The following ADGRL3 variants were observed in gnomAD, a reference collection of about 807,000 sequenced individuals.
ADGRL3 encodes adhesion G protein-coupled receptor L3.
In ADGRL3, 62 loss-of-function variants were observed where a neutral mutation model predicts 153.5. The ratio of observed to expected loss-of-function variants is 0.40; its 90% CI spans 0.33 to 0.50. The LOEUF (loss-of-function observed/expected upper bound fraction) is 0.50. Among genes scored for constraint, ADGRL3 ranks in the 20% least tolerant of loss-of-function variants. ADGRL3 has a pLI of 0.47. For synonymous variants in ADGRL3, 710 were observed against 672.5 expected (o/e 1.06, Z -0.86); for missense variants, 1,641 against 1,859.4 (o/e 0.88, Z 2.16).
chr4:61,834,293 G>A lies in ADGRL3; in HGVS notation c.1480+20404G>A, dbSNP rs549472536. 2.2e-3 allele frequency among the ~76,000 whole-genome samples: 333 copies of A among 152,088 alleles called. 2 individuals are homozygous for A. Among genetic ancestry groups the A allele is most frequent in the African/African-American group, 7.2e-3 (298 of 41,490 alleles). On this transcript the variant is annotated intron_variant, in intron 9 of 26. Coordinates refer to ENST00000683033, the MANE Select transcript of ADGRL3 (RefSeq NM_001387552.1). ...ATGTCCCTATAAAGGACATGAACTC[G>A]TCATTTTTTATGGCTGCATAGTATT...
In ADGRL3 at chr4:61,846,972, A is replaced by ATATG. The variant is rs1554045749; in HGVS notation, c.1480+33086_1480+33087insGTAT. 3.2e-3 allele frequency among the ~76,000 whole-genome samples: 473 copies of ATATG among 148,166 alleles called. 5 individuals are homozygous for ATATG. Among genetic ancestry groups the ATATG allele is most frequent in the African/African-American group, 0.011 (412 of 38,916 alleles). ...TATGTGTGTGTGTGTGTGTGTGTGT[A>ATATG]TATATATGTATATATGTATATATAT... On this transcript the variant is annotated intron_variant, in intron 9 of 26. Coordinates refer to ENST00000683033, the MANE Select transcript of ADGRL3 (RefSeq NM_001387552.1).
chr4:61,920,451 A>G (rs961760941), intron 13 of ADGRL3, among the ~76,000 whole-genome samples: 1 of 152,218 alleles, frequency 6.6e-6, no homozygotes, highest in African/African-American at 2.4e-5. Flanking sequence ...ATGATTTTTC[A>G]GGACTGCTCC....
intron 1 of ADGRL3, among the ~76,000 whole-genome samples, chr4:61,349,313 C>A (rs1352523811): frequency 1.3e-5 from 2 of 152,002 alleles, no homozygotes; most frequent in Non-Finnish European, 2.9e-5. Context: ...AAAAAGTGTT[C>A]TCTGAAAAGC....
chr4:61,527,228 T>C (rs2098570573), intron 4 of ADGRL3, among the ~76,000 whole-genome samples: 1 of 152,072 alleles, frequency 6.6e-6, no homozygotes, highest in Non-Finnish European at 1.5e-5. Context: ...AAATATACCA[T>C]TCTGTCCATC....
At chr4:61,474,823 A>G (rs1049659786) in intron 2 of ADGRL3, among the ~76,000 whole-genome samples, 1 of 152,136 alleles carries the variant, frequency 6.6e-6, no homozygotes, top group Non-Finnish European at 1.5e-5. Context: ...GCACTATTAT[A>G]TTTTACCTAT....
chr4:61,688,279 T>G (rs2151083932), intron 6 of ADGRL3, among the ~76,000 whole-genome samples: 1 of 152,244 alleles, frequency 6.6e-6, no homozygotes, highest in South Asian at 2.1e-4. Flanking sequence ...TTACATCTTT[T>G]TTAGGTCTGA....
intron 6 of ADGRL3, among the ~76,000 whole-genome samples, chr4:61,705,698 C>T (rs879051412): frequency 1.3e-5 from 2 of 151,972 alleles, no homozygotes; most frequent in South Asian, 4.2e-4. Context: ...AGGGTTTCGC[C>T]ATGTTGTCCA....
chr4:61,278,240 C>G (rs924374726), intron 1 of ADGRL3, among the ~76,000 whole-genome samples: 19 of 152,080 alleles, frequency 1.2e-4, no homozygotes, highest in African/African-American at 4.6e-4. Context: ...TTCATCTGCC[C>G]TTTCTCTTGC....
rs150776956 is a variant in ADGRL3, at chr4:61,240,323, C to T, written c.-240+38558C>T. Among the ~76,000 whole-genome samples the T allele has an allele frequency of 4.4e-3, 671 of 152,170 alleles. 1 individual carries two copies. Among genetic ancestry groups the T allele is most frequent in the African/African-American group, 0.015 (614 of 41,524 alleles). On this transcript the variant is annotated intron_variant, in intron 1 of 26. Coordinates refer to ENST00000683033, the MANE Select transcript of ADGRL3 (RefSeq NM_001387552.1). ...TAATCACCTATTAAAGTCCCCTTCT[C>T]GTAATACTGTCACATTGGGTCTTAG...
rs1212648887 is a variant in ADGRL3 at position 61,318,578 on chromosome 4, C to G, written c.-239-64546C>G. On this transcript the variant is annotated intron_variant, in intron 1 of 26. Transcript: ENST00000683033. ...CCTTTTTAGAAGAATTAACTGAACA[C>G]GCTGTCTGCTGAAGTCTTATCACTC... 1.3e-5 allele frequency among the ~76,000 whole-genome samples: 2 copies of G among 152,130 alleles called. 1 individual carries two copies. The highest frequency in any genetic ancestry group is 1.3e-4 in the Admixed American group (2 of 15,262).
At chr4:61,958,897 A>T (rs970367966) in intron 17 of ADGRL3, among the ~76,000 whole-genome samples, 1 of 152,106 alleles carries the variant, frequency 6.6e-6, no homozygotes, top group Non-Finnish European at 1.5e-5. Context: ...ACTTTTCTGA[A>T]TTGCTACCAT....
At chr4:61,647,201 C>T (rs570090233) in intron 5 of ADGRL3, among the ~76,000 whole-genome samples, 68 of 152,172 alleles carry the variant, frequency 4.5e-4, no homozygotes, top group South Asian at 2.9e-3. Context: ...GAGATGAACC[C>T]GGTACCTCAG....
At chr4:62,016,585 C>G (rs2099212923) in intron 21 of ADGRL3, among the ~76,000 whole-genome samples, 1 of 152,158 alleles carries the variant, frequency 6.6e-6, no homozygotes, top group Non-Finnish European at 1.5e-5. Flanking sequence ...ATCATTACTA[C>G]AGTATTACTA....
intron 9 of ADGRL3, among the ~76,000 whole-genome samples, chr4:61,838,351 A>G (rs760455647): frequency 1.3e-5 from 2 of 152,206 alleles, no homozygotes; most frequent in Non-Finnish European, 2.9e-5. Context: ...TGGGCACAGT[A>G]TTAACCTAGC....
At chr4:61,703,894 T>C (rs1185777472) in intron 6 of ADGRL3, among the ~76,000 whole-genome samples, 1 of 151,264 alleles carries the variant, frequency 6.6e-6, no homozygotes, top group Non-Finnish European at 1.5e-5. Flanking sequence ...GAAGTTAGAG[T>C]GGAGATAAGA....
At chr4:61,888,320 C>T (rs1204822370) in intron 9 of ADGRL3, among the ~76,000 whole-genome samples, 1 of 152,176 alleles carries the variant, frequency 6.6e-6, no homozygotes, top group Non-Finnish European at 1.5e-5. Context: ...TTTTATTAAG[C>T]TAGCTATGTC....
At chr4:61,530,967 A>T (rs915106279) in intron 4 of ADGRL3, among the ~76,000 whole-genome samples, 2 of 152,180 alleles carry the variant, frequency 1.3e-5, no homozygotes, top group African/African-American at 4.8e-5. Flanking sequence ...TGCTCTATTT[A>T]TCATATATTT....
intron 21 of ADGRL3, among the ~76,000 whole-genome samples, chr4:62,017,399 A>AT: frequency 6.6e-6 from 1 of 151,778 alleles, no homozygotes; most frequent in Non-Finnish European, 1.5e-5. Flanking sequence ...TTCTTGAAAA[A>AT]TACTAAAGTT....
chr4:61,841,469 T>C (rs571524276), intron 9 of ADGRL3, among the ~76,000 whole-genome samples: 6 of 152,284 alleles, frequency 3.9e-5, no homozygotes, highest in Non-Finnish European at 8.8e-5. Flanking sequence ...CAACCGCTCA[T>C]TGTAATTGAC....
Sources: gnomAD v4.1 joint callset for allele counts (sites outside exome capture counted in the v4.1 genomes callset) on GRCh38, gnomAD v4.1.1 for gene constraint, MANE v1.5 for transcripts, NCBI Gene and HGNC (gene_info 2026-07-23, HGNC 2026-07-21) for gene names.